DGKB: variants seen among roughly 807,000 people sequenced by gnomAD.
DGKB encodes the protein diacylglycerol kinase beta, also known as 90 kDa diacylglycerol kinase.
Under a neutral mutation model 114.3 loss-of-function variants are expected in DGKB, and 67 were observed. The observed-to-expected ratio is 0.59, with a 90% CI of 0.48 to 0.72. DGKB has a LOEUF of 0.72. DGKB is among the 30% of genes least tolerant of loss of function. DGKB has a pLI of 0.00. For synonymous variants in DGKB, 398 were observed against 323.1 expected (o/e 1.23, Z -2.49); for missense variants, 907 against 975.2 (o/e 0.93, Z 0.93).
chr7:14,946,488 T>C (rs1785888861), intron 1 of DGKB, among the ~76,000 whole-genome samples: 1 of 151,780 alleles, frequency 6.6e-6, no homozygotes, highest in South Asian at 2.1e-4. Flanking sequence ...ACACACAGCA[T>C]ATAGAATAAA....
chr7:14,442,942 A>C (rs1168318102), intron 21 of DGKB, among the ~76,000 whole-genome samples: 2 of 152,136 alleles, frequency 1.3e-5, no homozygotes, highest in Non-Finnish European at 2.9e-5. Context: ...GTTGCTAAAA[A>C]TTCACCTTAA....
chr7:14,361,563 A>G (rs1442503322), intron 21 of DGKB, among the ~76,000 whole-genome samples: 1 of 151,992 alleles, frequency 6.6e-6, no homozygotes, highest in Non-Finnish European at 1.5e-5. Flanking sequence ...TGACTTGTAC[A>G]TAAACTAATT....
intron 23 of DGKB, among the ~76,000 whole-genome samples, chr7:14,302,246 T>C (rs927650095): frequency 9.2e-5 from 14 of 152,076 alleles, no homozygotes; most frequent in Non-Finnish European, 1.9e-4. Context: ...GGCAAGATAA[T>C]GGTTCCTCTG....
At chr7:14,741,489 C>T (rs1832577009) in intron 4 of DGKB, among the ~76,000 whole-genome samples, 1 of 152,156 alleles carries the variant, frequency 6.6e-6, no homozygotes, top group African/African-American at 2.4e-5. Flanking sequence ...GTCAGCCTGG[C>T]AAACTGCCTA....
chr7:14,161,235 C>T, intron 25 of DGKB, among the ~76,000 whole-genome samples: 1 of 152,156 alleles, frequency 6.6e-6, no homozygotes, highest in East Asian at 1.9e-4. Flanking sequence ...TTAGTTCAAC[C>T]ATTGTGGAAG....
intron 21 of DGKB, among the ~76,000 whole-genome samples, chr7:14,460,483 C>T (rs1832921471): frequency 1.3e-5 from 2 of 151,198 alleles, no homozygotes; most frequent in Non-Finnish European, 1.5e-5. Flanking sequence ...GACTTTAAAT[C>T]AACAAAGATA....
At chr7:14,494,172 A>C (rs972786277) in intron 20 of DGKB, among the ~76,000 whole-genome samples, 2 of 152,018 alleles carry the variant, frequency 1.3e-5, no homozygotes, top group Non-Finnish European at 2.9e-5. Flanking sequence ...CTTGTTCAGG[A>C]AAGTACATAA....
At chr7:14,324,914 C>T (rs1472038244) in intron 23 of DGKB, among the ~76,000 whole-genome samples, 1 of 152,164 alleles carries the variant, frequency 6.6e-6, no homozygotes, top group African/African-American at 2.4e-5. Flanking sequence ...AGAACTCTTT[C>T]AACCTTTCTT....
intron 2 of DGKB, among the ~76,000 whole-genome samples, chr7:14,777,932 G>T (rs1838451037): frequency 6.6e-6 from 1 of 152,108 alleles, no homozygotes; most frequent in Non-Finnish European, 1.5e-5. Flanking sequence ...GTTGGCTCTT[G>T]TGTATAGAAT....
intron 21 of DGKB, among the ~76,000 whole-genome samples, chr7:14,444,062 T>G (rs1167252725): frequency 1.3e-5 from 2 of 151,954 alleles, no homozygotes; most frequent in East Asian, 3.8e-4. Context: ...TTTTCTAATT[T>G]AAATATTCAT....
intron 13 of DGKB, among the ~76,000 whole-genome samples, chr7:14,636,757 A>G (rs1810830020): frequency 6.6e-6 from 1 of 151,940 alleles, no homozygotes. Context: ...ACAACCTTAT[A>G]TTACAAATCT....
At chr7:14,702,442 T>C (rs73680195) in intron 6 of DGKB, among the ~76,000 whole-genome samples, 1,908 of 152,246 alleles carry the variant, frequency 0.013, 40 homozygotes, top group African/African-American at 0.044. Flanking sequence ...CTTCAGAGGG[T>C]AACTGATGTT....
At chr7:14,811,956 CCTT>C (rs751973141) in intron 2 of DGKB, among the ~76,000 whole-genome samples, 3 of 152,078 alleles carry the variant, frequency 2.0e-5, no homozygotes, top group Non-Finnish European at 4.4e-5. Flanking sequence ...CTCTTCCACT[CCTT>C]CTCAGCCCTA....
chr7:14,864,212 T>C (rs747438846), intron 1 of DGKB, among the ~76,000 whole-genome samples: 3 of 152,140 alleles, frequency 2.0e-5, no homozygotes, highest in Non-Finnish European at 4.4e-5. Flanking sequence ...TTTTACATAA[T>C]AGTTTCGTAC....
Position 14,281,461 on chromosome 7 carries a change from A to G in DGKB, c.2122+57054T>C, listed in dbSNP as rs555065797. Among the ~76,000 whole-genome samples, 970 of 144,666 alleles carry G rather than the reference A, an allele frequency of 6.7e-3. 7 individuals carry two copies. Among genetic ancestry groups the G allele is most frequent in the African/African-American group, 0.025 (905 of 36,894 alleles). 94.9% of individuals were successfully genotyped at this position (144,666 alleles called of 152,430 possible). ...ACATTAGACAGATCAATGAGACAGA[A>G]AGTCAACAAGGATACCCAGGAATTG... On this transcript the variant is annotated intron_variant, in intron 23 of 25. Transcript: ENST00000402815.
At chr7:14,561,154 G>A (rs75988923) in intron 20 of DGKB, among the ~76,000 whole-genome samples, 3,139 of 152,052 alleles carry the variant, frequency 0.021, 110 homozygotes, top group African/African-American at 0.07. Context: ...GGTCTTTCCC[G>A]TCCTCTTCTC....
At chr7:14,279,950 C>T (rs1357065461) in intron 23 of DGKB, among the ~76,000 whole-genome samples, 3 of 152,116 alleles carry the variant, frequency 2.0e-5, no homozygotes, top group South Asian at 2.1e-4. Context: ...AAAATCAGAG[C>T]GACTCTCCTC....
intron 21 of DGKB, among the ~76,000 whole-genome samples, chr7:14,353,256 G>T (rs1407390854): frequency 6.6e-6 from 1 of 152,044 alleles, no homozygotes; most frequent in Non-Finnish European, 1.5e-5. Context: ...TGACACCTTT[G>T]TTCATATTTC....
At chr7:14,363,318 A>C (rs542194729) in intron 21 of DGKB, among the ~76,000 whole-genome samples, 2 of 152,194 alleles carry the variant, frequency 1.3e-5, no homozygotes, top group South Asian at 4.1e-4. Context: ...AAGCTTTCAT[A>C]ATCTTTGCCT....
Sources: gnomAD v4.1 joint callset for allele counts (sites outside exome capture counted in the v4.1 genomes callset) on GRCh38, gnomAD v4.1.1 for gene constraint, MANE v1.5 for transcripts, NCBI Gene and HGNC (gene_info 2026-07-23, HGNC 2026-07-21) for gene names.